The following KCNT1 variants were observed in gnomAD, a reference collection of about 807,000 sequenced individuals.
The protein encoded by KCNT1 is potassium channel subfamily T member 1.
In KCNT1, 78 loss-of-function variants were observed where a neutral mutation model predicts 147.8. The ratio of observed to expected loss-of-function variants is 0.53; its 90% CI spans 0.44 to 0.64. The LOEUF is 0.64. Ranked by LOEUF, KCNT1 falls within the 30% of genes least tolerant of loss-of-function variation. KCNT1 has a pLI of 0.00. For synonymous variants in KCNT1, 867 were observed against 748.8 expected, an observed-to-expected ratio of 1.16 and a Z score of -2.58; for missense variants, 1,419 against 1,750.3, an observed-to-expected ratio of 0.81 and a Z score of 3.38.
At chr9:135,761,662 A>G (rs10118073) in intron 11 of KCNT1, among the ~76,000 whole-genome samples, 61,655 of 152,132 alleles carry the variant, frequency 0.41, 12,884 homozygotes, top group South Asian at 0.49. Flanking sequence ...CCCACACTTC[A>G]CCACGTGGCC....
chr9:135,741,672 C>A (rs1445999646), intron 2 of KCNT1, among the ~76,000 whole-genome samples: 4 of 152,194 alleles, frequency 2.6e-5, no homozygotes, highest in African/African-American at 9.6e-5. Flanking sequence ...GCTAGGGGCA[C>A]CAGGAGGGCA....
chr9:135,714,691 G>A lies in KCNT1; in HGVS notation c.225G>A (p.Leu75=), dbSNP rs1835647440. The change falls in exon 2 of 31, where the codon CTG becomes CTA. Residue 75 remains leucine, a synonymous_variant. Transcript: ENST00000371757. This position sits in a 1 kb window ranked among gnomAD's most constrained non-coding sequence, Gnocchi z 6.2. ...GCTACCGCTTCCGGGACCTGCTGCT[G>A]GGCGACCCGTCCTTCCAGAACGACG... ...PPRYRFRDLL[L]GDPSFQNDDR... is the part of the protein sequence containing the mutation. 3 of 1,467,414 alleles carry A rather than the reference G, an allele frequency of 2.0e-6. No homozygotes were observed. The highest frequency in any genetic ancestry group is 2.7e-6 in the Non-Finnish European group (3 of 1,098,518). The allele number at this position is 1,467,414 out of a possible 1,614,324, so 90.9% of individuals were successfully genotyped here. A position where few individuals can be genotyped will look rare whatever the true frequency, so the allele number is the denominator to read the frequency against.
intron 11 of KCNT1, 83 bp from the exon 12 acceptor site, chr9:135,764,948 C>T (rs1036217242): frequency 1.8e-5 from 26 of 1,460,574 alleles, no homozygotes; most frequent in Admixed American, 1.5e-4. Flanking sequence ...AACAGACAGT[C>T]GTGTGTCAGG....
intron 2 of KCNT1, among the ~76,000 whole-genome samples, chr9:135,729,665 C>T (rs1244109708): frequency 6.6e-6 from 1 of 152,216 alleles, no homozygotes; most frequent in Non-Finnish European, 1.5e-5. Context: ...ACCGTCTGCA[C>T]GTGTCCGGTG....
At chr9:135,741,004 C>G (rs1025831287) in intron 2 of KCNT1, among the ~76,000 whole-genome samples, 1 of 152,056 alleles carries the variant, frequency 6.6e-6, no homozygotes, top group African/African-American at 2.4e-5. Flanking sequence ...AGGTTCTGCA[C>G]AGGCCAGCAA....
chr9:135,788,014 C>T (rs1834203598), intron 29 of KCNT1: 1 of 1,011,386 alleles, frequency 9.9e-7, no homozygotes. Flanking sequence ...CCTGCACCCG[C>T]CCACTGTGCC....
chr9:135,761,114 C>T (rs556820321), intron 11 of KCNT1, among the ~76,000 whole-genome samples: 50 of 152,136 alleles, frequency 3.3e-4, no homozygotes, highest in Admixed American at 1.8e-3. Flanking sequence ...GCGATCCTCC[C>T]GCCTCAGCCC....
intron 16 of KCNT1, 89 bp from the exon 17 acceptor site, chr9:135,770,209 A>G: frequency 6.8e-7 from 1 of 1,479,902 alleles, no homozygotes; most frequent in East Asian, 2.3e-5. Flanking sequence ...TGCCAGGGGA[A>G]GCAGAGGGGG....
chr9:135,782,182 C>T (rs947241545), intron 24 of KCNT1, among the ~76,000 whole-genome samples: 4 of 152,212 alleles, frequency 2.6e-5, no homozygotes, highest in South Asian at 2.1e-4. Flanking sequence ...CCAGGCTGGG[C>T]GACAGAGCGA....
At chr9:135,784,488 T>TCCCCCCCCCCCCCCCCCCCC in intron 25 of KCNT1, 47 bp from the exon 26 acceptor site, 3 of 85,986 alleles carry the variant, frequency 3.5e-5, no homozygotes, top group Non-Finnish European at 6.5e-5. Flanking sequence ...TGTGGCTCCC[T>TCCCCCCCCCCCCCCCCCCCC]CCCTCCCTCC....
chr9:135,774,067 T>G (rs11507056), intron 19 of KCNT1, among the ~76,000 whole-genome samples: 3 of 151,392 alleles, frequency 2.0e-5, no homozygotes, highest in Non-Finnish European at 4.4e-5. Flanking sequence ...ATGTGTGTGG[T>G]GTGTGTCCAT....
At chr9:135,727,755 G>A (rs1337578903) in intron 2 of KCNT1, among the ~76,000 whole-genome samples, 2 of 152,204 alleles carry the variant, frequency 1.3e-5, no homozygotes, top group African/African-American at 2.4e-5. Flanking sequence ...CCGGACAGAG[G>A]TGGGGCCCAC....
chr9:135,729,240 G>A (rs532708123), intron 2 of KCNT1, among the ~76,000 whole-genome samples: 1 of 152,374 alleles, frequency 6.6e-6, no homozygotes, highest in East Asian at 1.9e-4. Flanking sequence ...GGCAGTGGAA[G>A]AGGTGAAGTG....
rs891410399 is a variant in KCNT1, at chr9:135,794,165, A to C, written c.*2004A>C. The C allele has an allele frequency of 6.6e-6, 1 of 152,256 alleles. No individual in the cohort carries two copies. The highest frequency in any genetic ancestry group is 2.4e-5 in the African/African-American group (1 of 41,452). The allele number at this position is 152,256 out of a possible 1,614,324, so 9.4% of individuals were successfully genotyped here. A position where few individuals can be genotyped will look rare whatever the true frequency, so the allele number is the denominator to read the frequency against. On this transcript the variant is annotated 3_prime_UTR_variant, in exon 31 of 31. Transcript: ENST00000371757. ...TGTAGCCCCTGGAGCCCCACACTGGAAGAGCTGGCCTGCAGGAGGCACCAT... is the reference window on the plus strand; with the variant it reads ...TGTAGCCCCTGGAGCCCCACACTGGCAGAGCTGGCCTGCAGGAGGCACCAT...
Position 135,784,566 on chromosome 9 carries a change from C to T in KCNT1, c.2975C>T (p.Thr992Ile), listed in dbSNP as rs1032036573. 3.9e-6 allele frequency: 6 copies of T among 1,524,314 alleles called. No individual in the cohort carries two copies. Among genetic ancestry groups the T allele is most frequent in the Non-Finnish European group, 5.3e-6 (6 of 1,127,828 alleles). The allele number at this position is 1,524,314 out of a possible 1,614,324, so 94.4% of individuals were successfully genotyped here. ...SFVKDYMITI[T>I]RLLLGLDTTP... ...GTGAAGGACTACATGATCACCATCA[C>T]CCGGCTGCTGCTGGGCCTGGACACC... is the stretch of plus-strand genomic sequence containing the variant. The change falls in exon 26 of 31, where the codon ACC (threonine) becomes ATC (isoleucine). Residue 992 changes from threonine (T) to isoleucine (I), a missense_variant. Thr to Ile is a moderately conservative substitution (Grantham distance 89). Around this residue, in one of 5 missense-constraint regions of KCNT1, gnomAD observed 247 missense variants for 397.1 expected, o/e 0.62. Transcript: ENST00000371757.
At chr9:135,717,097 A>AT (rs1168054438) in intron 2 of KCNT1, among the ~76,000 whole-genome samples, 1 of 132,070 alleles carries the variant, frequency 7.6e-6, no homozygotes, top group Non-Finnish European at 1.6e-5. Flanking sequence ...ATTGGTGTCT[A>AT]TAGGACGGGA....
chr9:135,745,534 C>T (rs549468973), intron 2 of KCNT1, among the ~76,000 whole-genome samples: 107 of 152,338 alleles, frequency 7.0e-4, no homozygotes, highest in South Asian at 1.0e-3. Context: ...TTTGAGCAGA[C>T]GGGTGCTGGC....
intron 19 of KCNT1, 71 bp from the exon 20 acceptor site, chr9:135,775,239 C>A: frequency 8.1e-7 from 1 of 1,228,842 alleles, no homozygotes; most frequent in Non-Finnish European, 1.1e-6. Flanking sequence ...TCCCCCAGCC[C>A]GAGGGGGGCC....
intron 9 of KCNT1, among the ~76,000 whole-genome samples, 160 bp from the exon 10 acceptor site, chr9:135,758,254 G>A (rs372862260): frequency 4.9e-4 from 73 of 147,948 alleles, no homozygotes; most frequent in African/African-American, 1.6e-3. Flanking sequence ...GGCCTCAGCC[G>A]AGACACAGGT....
Sources: gnomAD v4.1 joint callset for allele counts (sites outside exome capture counted in the v4.1 genomes callset) on GRCh38, gnomAD v4.1.1 for gene constraint, gnomAD v4.1.1 regional missense constraint, Gnocchi (gnomAD v3.1) non-coding constraint, MANE v1.5 for transcripts, NCBI Gene and HGNC (gene_info 2026-07-23, HGNC 2026-07-21) for gene names.